The following DPP10 variants were observed in gnomAD, a reference collection of about 807,000 sequenced individuals.
DPP10 encodes the protein dipeptidyl peptidase like 10.
Under a neutral mutation model 120.9 loss-of-function variants are expected in DPP10, and 33 were observed. The ratio of observed to expected loss-of-function variants is 0.27; its 90% CI spans 0.21 to 0.37. The LOEUF (loss-of-function observed/expected upper bound fraction) is 0.37. Ranked by LOEUF, DPP10 falls within the 10% of genes least tolerant of loss-of-function variation. DPP10 has a pLI of 1.00. For missense variants in DPP10, 816 were observed against 942.8 expected, an observed-to-expected ratio of 0.87 and a Z score of 1.76; for synonymous variants, 337 against 326.1, an observed-to-expected ratio of 1.03 and a Z score of -0.36.
chr2:115,753,434 T>C (rs552713688), intron 11 of DPP10, 137 bp downstream of exon 11: 550 of 771,156 alleles, frequency 7.1e-4, no homozygotes, highest in Admixed American at 1.1e-3. Flanking sequence ...AATTATTCTA[T>C]TAAGAATATA....
rs1575661753 is a variant in DPP10 at position 115,746,075 on chromosome 2, T to C, written c.853-11T>C. 6.3e-7 allele frequency: 1 copy of C among 1,587,632 alleles called. No individual in the cohort carries two copies. The highest frequency in any genetic ancestry group is 8.6e-7 in the Non-Finnish European group (1 of 1,167,710). ...TAATGTACTTGCAATACAACTTTCATTTTCTCAAAGGCAGGTCAAGTGAAC... is the reference window on the plus strand; with the variant it reads ...TAATGTACTTGCAATACAACTTTCACTTTCTCAAAGGCAGGTCAAGTGAAC... On this transcript the variant is annotated splice_polypyrimidine_tract_variant and intron_variant, in intron 9 of 25. Coordinates refer to ENST00000410059, the MANE Select transcript of DPP10 (RefSeq NM_020868.6).
intron 4 of DPP10, among the ~76,000 whole-genome samples, chr2:115,518,733 A>G (rs989144751): frequency 2.2e-4 from 34 of 152,132 alleles, no homozygotes; most frequent in African/African-American, 8.0e-4. Context: ...GAAATTAAGT[A>G]ACTTTCTACT....
At chr2:114,561,773 T>C (rs1398194686) in intron 1 of DPP10, among the ~76,000 whole-genome samples, 2 of 152,204 alleles carry the variant, frequency 1.3e-5, no homozygotes, top group East Asian at 1.9e-4. Flanking sequence ...GTTAGAAATT[T>C]CAGTCAGTTT....
At chr2:115,483,818 T>G (rs1228471512) in intron 3 of DPP10, among the ~76,000 whole-genome samples, 1 of 152,080 alleles carries the variant, frequency 6.6e-6, no homozygotes, top group East Asian at 1.9e-4. Context: ...GAAACTTTAA[T>G]GGAGATTTGT....
chr2:115,393,186 G>A (rs1447282051), intron 3 of DPP10, among the ~76,000 whole-genome samples: 1 of 151,868 alleles, frequency 6.6e-6, no homozygotes, highest in Non-Finnish European at 1.5e-5. Context: ...GGTAGTGCGT[G>A]CTTGTGATCC....
chr2:115,095,408 G>T (rs982610691), intron 1 of DPP10, among the ~76,000 whole-genome samples: 18 of 152,094 alleles, frequency 1.2e-4, no homozygotes, highest in African/African-American at 4.3e-4. Flanking sequence ...TGAGTTAGTT[G>T]GAGCAGGTGA....
intron 1 of DPP10, among the ~76,000 whole-genome samples, chr2:115,189,847 A>G (rs1484737698): frequency 6.6e-6 from 1 of 152,130 alleles, no homozygotes; most frequent in Admixed American, 6.5e-5. Context: ...CATCGAGGCT[A>G]TGATTCCTTT....
chr2:114,720,380 A>C (rs1701626671), intron 1 of DPP10, among the ~76,000 whole-genome samples: 1 of 152,204 alleles, frequency 6.6e-6, no homozygotes, highest in Non-Finnish European at 1.5e-5. Context: ...TAGTAGTGAC[A>C]GTCTTAATAG....
intron 1 of DPP10, among the ~76,000 whole-genome samples, chr2:115,015,941 T>C (rs558189206): frequency 1.3e-5 from 2 of 152,202 alleles, no homozygotes; most frequent in Non-Finnish European, 2.9e-5. Context: ...AATTTATAGA[T>C]TCAATGTTAT....
chr2:114,644,828 C>T (rs1695996896), intron 1 of DPP10, among the ~76,000 whole-genome samples: 1 of 151,894 alleles, frequency 6.6e-6, no homozygotes, highest in African/African-American at 2.4e-5. Flanking sequence ...AGAGGACGTG[C>T]TACTAACATT....
At chr2:115,247,336 C>A (rs1374398545) in intron 1 of DPP10, among the ~76,000 whole-genome samples, 1 of 152,078 alleles carries the variant, frequency 6.6e-6, no homozygotes, top group Non-Finnish European at 1.5e-5. Flanking sequence ...ATACAGGTGG[C>A]AGTTACACTT....
intron 1 of DPP10, among the ~76,000 whole-genome samples, chr2:115,046,402 A>AC: frequency 6.6e-6 from 1 of 152,196 alleles, no homozygotes; most frequent in South Asian, 2.1e-4. Flanking sequence ...AGCCTTCACA[A>AC]CCCCTGGGCA....
chr2:114,837,287 A>G (rs1382507383), intron 1 of DPP10, among the ~76,000 whole-genome samples: 2 of 152,142 alleles, frequency 1.3e-5, no homozygotes, highest in Non-Finnish European at 2.9e-5. Flanking sequence ...TGTACATGAA[A>G]TCTTCACAAT....
intron 1 of DPP10, among the ~76,000 whole-genome samples, chr2:115,238,042 C>T (rs865890488): frequency 2.0e-5 from 3 of 152,172 alleles, no homozygotes; most frequent in Admixed American, 2.0e-4. Flanking sequence ...GTAGCCAAAA[C>T]AGCCTTCTAT....
chr2:115,619,553 T>TA (rs1353981345), intron 5 of DPP10, among the ~76,000 whole-genome samples: 5 of 152,170 alleles, frequency 3.3e-5, no homozygotes, highest in African/African-American at 1.2e-4. Context: ...AGTATACACT[T>TA]ACGGTTTCCT....
At chr2:115,731,256 G>A (rs949227774) in intron 8 of DPP10, among the ~76,000 whole-genome samples, 36 of 152,148 alleles carry the variant, frequency 2.4e-4, no homozygotes, top group Middle Eastern at 3.4e-3. Flanking sequence ...TACTCGGGAG[G>A]CTGAGGCAGG....
At chr2:115,562,210 A>G (rs1432680893) in intron 5 of DPP10, among the ~76,000 whole-genome samples, 1 of 152,196 alleles carries the variant, frequency 6.6e-6, no homozygotes, top group Admixed American at 6.5e-5. Context: ...GTTATAACCC[A>G]CTGACATTTG....
intron 1 of DPP10, among the ~76,000 whole-genome samples, chr2:115,170,135 A>G (rs2105050565): frequency 6.6e-6 from 1 of 152,314 alleles, no homozygotes; most frequent in East Asian, 1.9e-4. Flanking sequence ...TTATTGGAAC[A>G]TGGGTTTACT....
At chr2:114,990,482 A>G (rs1700694786) in intron 1 of DPP10, among the ~76,000 whole-genome samples, 1 of 151,894 alleles carries the variant, frequency 6.6e-6, no homozygotes, top group Admixed American at 6.6e-5. Flanking sequence ...TTTGTTTGTG[A>G]TTCTCCAGAT....
Sources: gnomAD v4.1 joint callset for allele counts (sites outside exome capture counted in the v4.1 genomes callset) on GRCh38, gnomAD v4.1.1 for gene constraint, MANE v1.5 for transcripts, NCBI Gene and HGNC (gene_info 2026-07-23, HGNC 2026-07-21) for gene names.